PLAAT5: variants seen among roughly 807,000 people sequenced by gnomAD.
PLAAT5 encodes the protein Ca(2+)-independent N-acyltransferase.
PLAAT5 carries 27 observed loss-of-function variants against 27.8 expected under a neutral mutation model. The ratio of observed to expected loss-of-function variants is 0.97; its 90% CI spans 0.72 to 1.34. The LOEUF is 1.34. Ranked by LOEUF, PLAAT5 falls within the 40% of genes most tolerant of loss-of-function variation. PLAAT5 has a pLI of 0.00. For synonymous variants in PLAAT5, 125 were observed against 136.1 expected (o/e 0.92, Z 0.57); for missense variants, 368 against 343.8 (o/e 1.07, Z -0.56).
chr11:63,477,364 CTTGT>C (rs896081372), intron 3 of PLAAT5, among the ~76,000 whole-genome samples: 3 of 152,092 alleles, frequency 2.0e-5, no homozygotes, highest in Admixed American at 2.0e-4. Flanking sequence ...TTGCTGTTTG[CTTGT>C]TTGTTTGTTG....
rs142252228 is a variant in PLAAT5, at chr11:63,466,317, C to T, written c.510G>A (p.Val170=). Residue 170 remains valine (V), a synonymous_variant, in exon 5 of 6, where the codon GTG becomes GTA. Coordinates refer to ENST00000540857, the MANE Select transcript of PLAAT5 (RefSeq NM_001146729.2). ...ITSIFSNRAV[V]KYSRLEDVLH... ...GCACATCCTCCAGACGACTGTATTT[C>T]ACCACGGCCCGATTGCTAAAGATGG... 5,862 of 1,614,156 alleles carry T rather than the reference C, an allele frequency of 3.6e-3. 15 individuals carry two copies. Among genetic ancestry groups the T allele is most frequent in the Non-Finnish European group, 4.4e-3 (5,211 of 1,180,022 alleles).
chr11:63,468,017 C>T (rs1402743514), intron 4 of PLAAT5, among the ~76,000 whole-genome samples: 1 of 152,200 alleles, frequency 6.6e-6, no homozygotes, highest in Non-Finnish European at 1.5e-5. Context: ...CTGCACCCTC[C>T]TTGGGGAATC....
At position 63,488,992 on chromosome 11, in the gene PLAAT5, A is replaced by G. The variant is rs766833447; in HGVS notation, c.240-16T>C. The G allele has an allele frequency of 4.9e-5, 75 of 1,539,212 alleles. No homozygotes were observed. In the East Asian group the frequency reaches 7.9e-4, roughly 16 times the overall value. On this transcript the variant is annotated splice_polypyrimidine_tract_variant and intron_variant, in intron 2 of 5. Coordinates refer to ENST00000540857, the MANE Select transcript of PLAAT5 (RefSeq NM_001146729.2). Reference sequence around the variant, plus strand: ...AGCCTTCTCCCTAAATGATTTTGCAATCACAAAGTTAACAAATATCACTAT... The same window carrying G: ...AGCCTTCTCCCTAAATGATTTTGCAGTCACAAAGTTAACAAATATCACTAT...
chr11:63,490,948 G>C lies in PLAAT5; in HGVS notation c.87C>G (p.Thr29=). Residue 29 remains threonine, a synonymous_variant, in exon 1 of 6, where the codon ACC becomes ACG. Coordinates refer to ENST00000540857, the MANE Select transcript of PLAAT5 (RefSeq NM_001146729.2). The part of the protein sequence containing the change: ...PPPLPKPASR[T]ASTGPKDQPP... ...GCTGGTCCTTGGGCCCGGTACTGGC[G>C]GTTCGCGAGGCGGGTTTGGGGAGGG... The C allele has an allele frequency of 6.3e-7, 1 of 1,598,246 alleles. No homozygotes were observed. Among genetic ancestry groups the C allele is most frequent in the Admixed American group, 1.7e-5 (1 of 57,910 alleles).
In PLAAT5 at chr11:63,491,055, G is replaced by A. The variant is rs745397941; in HGVS notation, c.-21C>T. 3.8e-4 allele frequency: 544 copies of A among 1,419,882 alleles called. No homozygotes were observed. Among genetic ancestry groups the A allele is most frequent in the Non-Finnish European group, 4.8e-4 (523 of 1,089,190 alleles). The allele number at this position is 1,419,882 out of a possible 1,614,324, so 88.0% of individuals were successfully genotyped here. On this transcript the variant is annotated 5_prime_UTR_variant, in exon 1 of 6. Transcript: ENST00000540857. The stretch of plus-strand genomic sequence containing the variant: ...CCCATCCCGCCTCTGCGGCCTCGCC[G>A]GCCCCCAGGCCTTGCAGGGGACTAC...
chr11:63,490,120 T>G, intron 2 of PLAAT5, 123 bp downstream of exon 2: 1 of 1,289,160 alleles, frequency 7.8e-7, no homozygotes. Context: ...TTCCCCTTGC[T>G]GGGTACCGGC....
At chr11:63,464,559 A>G (rs1383221780) in intron 5 of PLAAT5, among the ~76,000 whole-genome samples, 7 of 152,058 alleles carry the variant, frequency 4.6e-5, no homozygotes, top group African/African-American at 7.2e-5. Context: ...GGGAGGCTGA[A>G]GCAGGAGAAC....
chr11:63,476,340 G>A (rs535874937), intron 3 of PLAAT5, among the ~76,000 whole-genome samples: 161 of 152,128 alleles, frequency 1.1e-3, no homozygotes, highest in African/African-American at 3.6e-3. Context: ...AATGCTATCT[G>A]GTGTGACTTT....
At chr11:63,488,664 C>T (rs888752522) in intron 3 of PLAAT5, among the ~76,000 whole-genome samples, 1 of 148,186 alleles carries the variant, frequency 6.7e-6, no homozygotes, top group Non-Finnish European at 1.5e-5. Flanking sequence ...CATTATGAGA[C>T]TTTTTTGTGG....
At chr11:63,487,860 T>C (rs983931392) in intron 3 of PLAAT5, among the ~76,000 whole-genome samples, 2 of 152,230 alleles carry the variant, frequency 1.3e-5, no homozygotes. Flanking sequence ...AAAATAGTTA[T>C]ATGGGCTGGC....
chr11:63,464,045 C>T (rs1227049530), intron 5 of PLAAT5, among the ~76,000 whole-genome samples: 1 of 152,226 alleles, frequency 6.6e-6, no homozygotes, highest in African/African-American at 2.4e-5. Context: ...GTAATGCCCT[C>T]AGTCCTTGGG....
chr11:63,469,145 T>TGTGTGTGTGTGA (rs377110717), intron 3 of PLAAT5, among the ~76,000 whole-genome samples: 135 of 122,784 alleles, frequency 1.1e-3, no homozygotes, highest in African/African-American at 3.6e-3. Context: ...TGTGTGTGTG[T>TGTGTGTGTGTGA]GAGAGAGAGA....
chr11:63,471,624 T>G (rs1301189169), intron 3 of PLAAT5, among the ~76,000 whole-genome samples: 1 of 152,192 alleles, frequency 6.6e-6, no homozygotes, highest in Non-Finnish European at 1.5e-5. Context: ...CTTATAACAT[T>G]GTTTGAGTGA....
intron 3 of PLAAT5, among the ~76,000 whole-genome samples, chr11:63,475,011 A>C (rs1232380829): frequency 6.6e-6 from 1 of 152,116 alleles, no homozygotes; most frequent in Admixed American, 6.5e-5. Context: ...ATGTGATCAG[A>C]TAAAATATTT....
At chr11:63,489,104 G>A (rs549231167) in intron 2 of PLAAT5, 128 bp from the exon 3 acceptor site, 63 of 559,914 alleles carry the variant, frequency 1.1e-4, no homozygotes, top group African/African-American at 8.7e-4. Context: ...ATTTCCCCCC[G>A]TTTGTTTCTG....
chr11:63,489,936 C>G (rs2016521027), intron 2 of PLAAT5, among the ~76,000 whole-genome samples: 1 of 152,222 alleles, frequency 6.6e-6, no homozygotes, highest in Non-Finnish European at 1.5e-5. Context: ...AAGGCCGACT[C>G]ATTGTTCACT....
At position 63,482,702 on chromosome 11, in the gene PLAAT5, T is replaced by A. The variant is rs78880768; in HGVS notation, c.345+6169A>T. On this transcript the variant is annotated intron_variant, in intron 3 of 5. Coordinates refer to ENST00000540857, the MANE Select transcript of PLAAT5 (RefSeq NM_001146729.2). ...GCCTATAAAATAATAACACAATTTT[T>A]AAAAAAAAAGATATTCAGGCAACAA... Among the ~76,000 whole-genome samples, 62 of 151,322 alleles carry A rather than the reference T, an allele frequency of 4.1e-4. No homozygotes were observed. The East Asian group carries it at 5.0e-3, about 12-fold the overall frequency.
intron 3 of PLAAT5, among the ~76,000 whole-genome samples, chr11:63,480,456 A>G (rs1190996109): frequency 1.3e-5 from 2 of 152,346 alleles, no homozygotes; most frequent in South Asian, 2.1e-4. Context: ...ATACTCTCTC[A>G]TCTGCAATAT....
At chr11:63,472,393 C>G (rs931344007) in intron 3 of PLAAT5, among the ~76,000 whole-genome samples, 1 of 152,210 alleles carries the variant, frequency 6.6e-6, no homozygotes, top group African/African-American at 2.4e-5. Flanking sequence ...GGAGGCACCA[C>G]ATTTTGCTTA....
Sources: gnomAD v4.1 joint callset for allele counts (sites outside exome capture counted in the v4.1 genomes callset) on GRCh38, gnomAD v4.1.1 for gene constraint, MANE v1.5 for transcripts, NCBI Gene and HGNC (gene_info 2026-07-23, HGNC 2026-07-21) for gene names.